Variants in EPHB1 observed in about 807,000 individuals in gnomAD.
The protein encoded by EPHB1 is ephrin type-B receptor 1.
EPHB1 carries 30 observed loss-of-function variants against 94.4 expected under a neutral mutation model. The observed-to-expected ratio is 0.32, with a 90% CI of 0.24 to 0.43. The LOEUF is 0.43. Among genes scored for constraint, EPHB1 ranks in the 20% least tolerant of loss-of-function variants. EPHB1 has a pLI of 1.00. For missense variants in EPHB1, 1,055 were observed against 1,308.3 expected (o/e 0.81, Z 2.99); for synonymous variants, 522 against 489.1 (o/e 1.07, Z -0.89).
chr3:134,844,257 C>CA (rs1307396125), intron 1 of EPHB1, among the ~76,000 whole-genome samples: 2 of 152,220 alleles, frequency 1.3e-5, no homozygotes, highest in African/African-American at 4.8e-5. Context: ...CCTTGAGCCT[C>CA]AAGACTTGCA....
At chr3:135,239,630 G>A (rs1943733971) in intron 12 of EPHB1, among the ~76,000 whole-genome samples, 1 of 152,190 alleles carries the variant, frequency 6.6e-6, no homozygotes, top group African/African-American at 2.4e-5. Context: ...GAGCTTTTGA[G>A]GACAGCCTTG....
At chr3:134,908,002 T>C (rs1437188734) in intron 1 of EPHB1, among the ~76,000 whole-genome samples, 1 of 152,220 alleles carries the variant, frequency 6.6e-6, no homozygotes, top group Non-Finnish European at 1.5e-5. Context: ...TTTGAGGTGC[T>C]GCACACCACA....
At chr3:135,046,574 G>C (rs187379567) in intron 3 of EPHB1, among the ~76,000 whole-genome samples, 238 of 152,302 alleles carry the variant, frequency 1.6e-3, no homozygotes, top group African/African-American at 5.5e-3. Context: ...CTTGGTGTCT[G>C]TGTGTTTGGG....
chr3:134,836,444 G>A (rs78163033), intron 1 of EPHB1, among the ~76,000 whole-genome samples: 2,404 of 152,156 alleles, frequency 0.016, 37 homozygotes, highest in South Asian at 0.061. Context: ...ATGTATTAAC[G>A]CAAATTGAAG....
At chr3:134,929,602 C>G (rs554229104) in intron 2 of EPHB1, among the ~76,000 whole-genome samples, 11 of 152,300 alleles carry the variant, frequency 7.2e-5, no homozygotes, top group African/African-American at 2.6e-4. Context: ...ATATACCCCA[C>G]AGGAAAGAGT....
Position 135,220,854 on chromosome 3 carries a change from A to G in EPHB1, c.2346+19165A>G, listed in dbSNP as rs370175767. ...AACTTGCTACTCCAAGCCAGAGAGG[A>G]CAAGAATACCTGCCTTGTCTTCATA... On this transcript the variant is annotated intron_variant, in intron 12 of 15. Transcript: ENST00000398015. Among the ~76,000 whole-genome samples, 120 of 152,312 alleles carry G rather than the reference A, an allele frequency of 7.9e-4. 3 individuals carry two copies. In the South Asian group the frequency reaches 0.024, roughly 30 times the overall value.
At chr3:135,191,179 G>A (rs1443095067) in intron 10 of EPHB1, among the ~76,000 whole-genome samples, 1 of 151,976 alleles carries the variant, frequency 6.6e-6, no homozygotes, top group Non-Finnish European at 1.5e-5. Context: ...AAAAAGAACA[G>A]CCCCCCCAAA....
At chr3:134,821,213 C>T (rs1242574265) in intron 1 of EPHB1, among the ~76,000 whole-genome samples, 1 of 152,180 alleles carries the variant, frequency 6.6e-6, no homozygotes, top group Non-Finnish European at 1.5e-5. Flanking sequence ...GGATGTGGCC[C>T]ACCCACATTA....
rs1411168179 is a variant in EPHB1 at position 135,167,086 on chromosome 3, T to TAGCC, written c.1759+83_1759+86dup. The TAGCC allele has an allele frequency of 9.2e-6, 14 of 1,520,214 alleles. No homozygotes were observed. In the East Asian group the frequency reaches 3.2e-4, roughly 35 times the overall value. The allele number at this position is 1,520,214 out of a possible 1,614,324, so 94.2% of individuals were successfully genotyped here. The stretch of plus-strand genomic sequence containing the variant: ...GGGCTAGTGCTCAGAGCTCTCTTTA[T>TAGCC]AGCCAGACTGGCTGGTCCCAGTGGC... On this transcript the variant is annotated intron_variant, in intron 9 of 15. Coordinates refer to ENST00000398015, the MANE Select transcript of EPHB1 (RefSeq NM_004441.5).
intron 4 of EPHB1, among the ~76,000 whole-genome samples, chr3:135,113,581 G>A (rs956734280): frequency 6.6e-6 from 1 of 152,136 alleles, no homozygotes; most frequent in Non-Finnish European, 1.5e-5. Flanking sequence ...GACAGCTCGT[G>A]TCTTGTGCAG....
At chr3:135,156,951 A>G (rs753291140) in intron 6 of EPHB1, among the ~76,000 whole-genome samples, 6 of 152,234 alleles carry the variant, frequency 3.9e-5, no homozygotes, top group Non-Finnish European at 7.3e-5. Flanking sequence ...TTGTAGCTCT[A>G]TTGAAATAAC....
At chr3:135,004,631 C>G (rs1265505321) in intron 3 of EPHB1, among the ~76,000 whole-genome samples, 3 of 151,854 alleles carry the variant, frequency 2.0e-5, no homozygotes, top group African/African-American at 7.3e-5. Context: ...CACATAGTCC[C>G]ATATTTCTTG....
At chr3:134,880,021 G>T (rs1235979482) in intron 1 of EPHB1, among the ~76,000 whole-genome samples, 1 of 152,184 alleles carries the variant, frequency 6.6e-6, no homozygotes, top group African/African-American at 2.4e-5. Context: ...AATGCCAAAT[G>T]CTGGAGTTCA....
chr3:135,098,881 C>A (rs779502766), intron 3 of EPHB1, among the ~76,000 whole-genome samples: 1 of 151,838 alleles, frequency 6.6e-6, no homozygotes, highest in Non-Finnish European at 1.5e-5. Context: ...GTGGTAGTGG[C>A]GCTTTCCTGT....
At chr3:134,862,544 C>T (rs2037289632) in intron 1 of EPHB1, among the ~76,000 whole-genome samples, 1 of 150,674 alleles carries the variant, frequency 6.6e-6, no homozygotes, top group Non-Finnish European at 1.5e-5. Context: ...TAGAGTAAAA[C>T]TTTAATTAAA....
chr3:134,946,340 A>G (rs2039216881), intron 2 of EPHB1, among the ~76,000 whole-genome samples: 1 of 152,158 alleles, frequency 6.6e-6, no homozygotes, highest in Admixed American at 6.5e-5. Flanking sequence ...AACTGGATTC[A>G]TCTTCCTCTC....
chr3:135,128,857 CA>C (rs1465773115), intron 4 of EPHB1, among the ~76,000 whole-genome samples: 2 of 152,066 alleles, frequency 1.3e-5, no homozygotes, highest in Non-Finnish European at 2.9e-5. Flanking sequence ...AGATTCTGTT[CA>C]CCTCCACAAA....
intron 1 of EPHB1, among the ~76,000 whole-genome samples, chr3:134,893,487 C>G (rs2038027197): frequency 6.6e-6 from 1 of 152,154 alleles, no homozygotes; most frequent in South Asian, 2.1e-4. Flanking sequence ...ACATACTCTC[C>G]CTCCCACACC....
intron 1 of EPHB1, among the ~76,000 whole-genome samples, chr3:134,922,714 G>A (rs994046811): frequency 1.3e-5 from 2 of 152,144 alleles, no homozygotes; most frequent in African/African-American, 4.8e-5. Context: ...GAGCTTTTGT[G>A]GCTTCTTGGC....
Sources: gnomAD v4.1 joint callset for allele counts (sites outside exome capture counted in the v4.1 genomes callset) on GRCh38, gnomAD v4.1.1 for gene constraint, MANE v1.5 for transcripts, NCBI Gene and HGNC (gene_info 2026-07-23, HGNC 2026-07-21) for gene names.